TIMD4: variants seen among roughly 807,000 people sequenced by gnomAD.
The protein encoded by TIMD4 is T-cell immunoglobulin and mucin domain-containing protein 4.
A neutral mutation model predicts 41.2 loss-of-function variants in TIMD4; 31 were observed. The observed-to-expected ratio is 0.75, with a 90% confidence interval of 0.57 to 1.01. The LOEUF is 1.01. Among genes scored for constraint, TIMD4 ranks in the 50% least tolerant of loss-of-function variants. The probability of loss-of-function intolerance (pLI) is 0.00; values close to 1 mark genes in which losing one functional copy is unlikely to be tolerated. For synonymous variants in TIMD4, 204 were observed against 177.1 expected (o/e 1.15, Z -1.21); for missense variants, 479 against 472.5 (o/e 1.01, Z -0.13).
rs1296617538 is a variant in TIMD4, at chr5:156,963,223, G to A, written c.-25C>T. On this transcript the variant is annotated 5_prime_UTR_variant, in exon 1 of 9. Transcript: ENST00000274532. ...TTTTGACGGTTGACCGGACCCAGGA[G>A]TCTGTCTATCTATCCAAAGCCCAAC... The A allele has an allele frequency of 6.2e-7, 1 of 1,613,852 alleles. No homozygotes were observed. The highest frequency in any genetic ancestry group is 8.5e-7 in the Non-Finnish European group (1 of 1,179,724).
At chr5:156,920,435 A>T in intron 8 of TIMD4, 29 bp downstream of exon 8, 1 of 1,612,360 alleles carries the variant, frequency 6.2e-7, no homozygotes, top group African/African-American at 1.3e-5. Flanking sequence ...TACAATCATT[A>T]CAACACCCAT....
At chr5:156,948,154 A>G (rs1427946361) in intron 5 of TIMD4, among the ~76,000 whole-genome samples, 1 of 152,096 alleles carries the variant, frequency 6.6e-6, no homozygotes, top group African/African-American at 2.4e-5. Context: ...ATCCCAAGAC[A>G]ACCAGATAGA....
intron 5 of TIMD4, among the ~76,000 whole-genome samples, chr5:156,936,721 A>G (rs1759545701): frequency 6.6e-6 from 1 of 151,958 alleles, no homozygotes; most frequent in South Asian, 2.1e-4. Context: ...GTTCAAAACC[A>G]GCCTGGCCCA....
intron 2 of TIMD4, among the ~76,000 whole-genome samples, chr5:156,953,569 C>T (rs1445763925): frequency 6.8e-6 from 1 of 146,862 alleles, no homozygotes; most frequent in Admixed American, 7.1e-5. Flanking sequence ...GCAGGAGAAT[C>T]GCTTGAACCG....
intron 5 of TIMD4, among the ~76,000 whole-genome samples, chr5:156,945,630 G>C (rs1035778659): frequency 1.3e-4 from 20 of 152,260 alleles, no homozygotes; most frequent in Admixed American, 1.3e-3. Flanking sequence ...GGGAGTGAAA[G>C]AATTTTATTT....
At chr5:156,933,544 GTTGTTTTGTTTTGTT>G (rs60102527) in intron 5 of TIMD4, among the ~76,000 whole-genome samples, 41 of 144,352 alleles carry the variant, frequency 2.8e-4, no homozygotes, top group Middle Eastern at 3.4e-3. Context: ...GGGTGAGAGT[GTTGTTTTGTTTTGTT>G]TTGTTTTGTT....
intron 6 of TIMD4, chr5:156,924,199 G>T: frequency 2.2e-6 from 1 of 446,090 alleles, no homozygotes. Flanking sequence ...CACCAAAAAA[G>T]GACTTCCCTC....
At chr5:156,948,858 T>C (rs957932969) in intron 4 of TIMD4, among the ~76,000 whole-genome samples, 1 of 152,242 alleles carries the variant, frequency 6.6e-6, no homozygotes, top group Non-Finnish European at 1.5e-5. Flanking sequence ...TGTGCTGTAC[T>C]ATCACAAACG....
Position 156,926,378 on chromosome 5 carries a change from A to T in TIMD4, c.845-66T>A, listed in dbSNP as rs1178386719. The T allele has an allele frequency of 6.5e-6, 10 of 1,535,116 alleles. No homozygotes were observed. In the Admixed American group the frequency reaches 1.3e-4, roughly 21 times the overall value. Reference sequence around the variant, plus strand: ...GGGGAATAAAATATCACATCCTGAAATAGGTAATTAAGAGTCCATCTGGAA... The same window carrying T: ...GGGGAATAAAATATCACATCCTGAATTAGGTAATTAAGAGTCCATCTGGAA... On this transcript the variant is annotated intron_variant, in intron 5 of 8. Coordinates refer to ENST00000274532, the MANE Select transcript of TIMD4 (RefSeq NM_138379.3).
At chr5:156,940,192 G>A (rs1444237085) in intron 5 of TIMD4, among the ~76,000 whole-genome samples, 6 of 152,226 alleles carry the variant, frequency 3.9e-5, no homozygotes, top group African/African-American at 7.2e-5. Context: ...TCCTGACCTC[G>A]AGTGATCTGC....
At chr5:156,921,616 C>CA (rs66842169) in intron 7 of TIMD4, among the ~76,000 whole-genome samples, 1,213 of 47,246 alleles carry the variant, frequency 0.026, 92 homozygotes, top group Non-Finnish European at 0.034. Context: ...GAGACTCTCT[C>CA]AAAAAAAAAA....
chr5:156,954,478 G>C lies in TIMD4; in HGVS notation c.337C>G (p.Arg113Gly). 1.9e-6 allele frequency: 3 copies of C among 1,614,206 alleles called. No homozygotes were observed. The highest frequency in any genetic ancestry group is 4.5e-5 in the East Asian group (2 of 44,888). ...SESDSGVYCC[R>G]IEVPGWFNDV... Reference sequence around the variant, plus strand: ...TTGAACCAGCCAGGCACTTCTATGCGGCAGCAGTACACACCGCTGTCACTT... The same window carrying C: ...TTGAACCAGCCAGGCACTTCTATGCCGCAGCAGTACACACCGCTGTCACTT... The change falls in exon 2 of 9, where the codon CGC becomes GGC. Residue 113 changes from arginine (R) to glycine (G), a missense_variant. Coordinates refer to ENST00000274532, the MANE Select transcript of TIMD4 (RefSeq NM_138379.3).
intron 5 of TIMD4, among the ~76,000 whole-genome samples, chr5:156,934,763 T>G (rs1759508710): frequency 6.6e-6 from 1 of 152,088 alleles, no homozygotes; most frequent in African/African-American, 2.4e-5. Context: ...AAAAGCATAT[T>G]ATAATCCTAC....
chr5:156,920,623 T>C, intron 7 of TIMD4, 120 bp from the exon 8 acceptor site: 1 of 971,806 alleles, frequency 1.0e-6, no homozygotes. Context: ...TGAGAACCAG[T>C]GGCTGGCTTT....
intron 5 of TIMD4, among the ~76,000 whole-genome samples, chr5:156,940,009 C>T (rs569164257): frequency 1.3e-5 from 2 of 152,244 alleles, no homozygotes; most frequent in Admixed American, 1.3e-4. Context: ...CCTCTGTTGC[C>T]GAGGCTGGAC....
intron 5 of TIMD4, among the ~76,000 whole-genome samples, chr5:156,946,807 T>C (rs1185046833): frequency 6.6e-6 from 1 of 152,006 alleles, no homozygotes; most frequent in Admixed American, 6.6e-5. Flanking sequence ...TTGAGAGTGA[T>C]GCTACATTGT....
Position 156,920,965 on chromosome 5 carries a change from G to C in TIMD4, c.1013-462C>G, listed in dbSNP as rs1759225305. Among the ~76,000 whole-genome samples the C allele has an allele frequency of 2.6e-5, 4 of 152,260 alleles. No homozygotes were observed. The South Asian group carries it at 8.3e-4, about 32-fold the overall frequency. ...TTCAAATCAGCTGAGATGGTTACTA[G>C]TCTCATCTCCTGACATACTGCCCTG... On this transcript the variant is annotated intron_variant, in intron 7 of 8. Transcript: ENST00000274532.
intron 5 of TIMD4, among the ~76,000 whole-genome samples, chr5:156,931,692 C>A (rs758940910): frequency 6.6e-6 from 1 of 152,284 alleles, no homozygotes; most frequent in African/African-American, 2.4e-5. Flanking sequence ...TAGGCATGGG[C>A]ACTCTGGTAA....
intron 1 of TIMD4, among the ~76,000 whole-genome samples, chr5:156,957,748 A>G (rs369606118): frequency 3.3e-5 from 5 of 152,232 alleles, no homozygotes; most frequent in African/African-American, 1.2e-4. Flanking sequence ...GGATGGCTTG[A>G]ACCCAGGAGT....
Sources: allele counts gnomAD v4.1 joint callset (sites outside exome capture counted in the v4.1 genomes callset), GRCh38; gene constraint gnomAD v4.1.1; transcripts MANE v1.5; gene names NCBI Gene and HGNC (gene_info 2026-07-23, HGNC 2026-07-21).